The following DOCK2 variants were observed in gnomAD, a reference collection of about 807,000 sequenced individuals.
DOCK2 encodes the protein dedicator of cytokinesis protein 2.
Under a neutral mutation model 248.9 loss-of-function variants are expected in DOCK2, and 87 were observed. The ratio of observed to expected loss-of-function variants is 0.35; its 90% confidence interval spans 0.29 to 0.42. The LOEUF is 0.42. DOCK2 is among the 10% of genes least tolerant of loss of function. The pLI is 1.00. For synonymous variants in DOCK2, 805 were observed against 821.6 expected (o/e 0.98, Z 0.35); for missense variants, 1,747 against 2,300.2 (o/e 0.76, Z 4.92).
intron 25 of DOCK2, among the ~76,000 whole-genome samples, chr5:169,762,508 C>T (rs545558699): frequency 9.2e-4 from 140 of 152,240 alleles, no homozygotes; most frequent in African/African-American, 3.1e-3. Context: ...AACTGGATGT[C>T]GATAGCTCCA....
chr5:169,740,369 C>G (rs1440753930), intron 22 of DOCK2, among the ~76,000 whole-genome samples: 1 of 151,716 alleles, frequency 6.6e-6, no homozygotes. Flanking sequence ...TTTATGTGTT[C>G]ATTCTAGACA....
At chr5:170,008,458 GA>G (rs1375590765) in intron 30 of DOCK2, 38 bp from the exon 31 acceptor site, 1 of 1,609,598 alleles carries the variant, frequency 6.2e-7, no homozygotes, top group Non-Finnish European at 8.5e-7. Flanking sequence ...TCCCGCTTCA[GA>G]CCCTCTCCAT....
chr5:169,961,710 G>C (rs1467527292), intron 27 of DOCK2, among the ~76,000 whole-genome samples: 2 of 152,092 alleles, frequency 1.3e-5, no homozygotes, highest in African/African-American at 4.8e-5. Context: ...GGGTGCAGTG[G>C]CTCACGCCCG....
At chr5:170,045,723 A>G (rs2113848158) in intron 38 of DOCK2, 93 bp from the exon 39 acceptor site, 1 of 1,269,920 alleles carries the variant, frequency 7.9e-7, no homozygotes, top group East Asian at 2.3e-5. Flanking sequence ...CCTCAGTCCC[A>G]GGAAGCACAG....
chr5:170,057,406 A>G (rs1757168960), intron 43 of DOCK2, 174 bp from the exon 44 acceptor site: 2 of 671,678 alleles, frequency 3.0e-6, no homozygotes, highest in Admixed American at 2.1e-5. Context: ...TTGGGAAAGA[A>G]TTCTTAAGGG....
chr5:170,046,034 A>C, intron 39 of DOCK2, 129 bp downstream of exon 39: 1 of 789,790 alleles, frequency 1.3e-6, no homozygotes, highest in South Asian at 1.5e-5. Flanking sequence ...GAACGGAAGT[A>C]GGACCTGAGA....
At chr5:169,760,707 C>G (rs967320589) in intron 24 of DOCK2, among the ~76,000 whole-genome samples, 1 of 152,180 alleles carries the variant, frequency 6.6e-6, no homozygotes, top group Non-Finnish European at 1.5e-5. Context: ...CTGCATACAT[C>G]GCTGTGTATT....
intron 27 of DOCK2, among the ~76,000 whole-genome samples, chr5:169,958,814 C>A (rs1581472231): frequency 1.3e-5 from 2 of 152,074 alleles, no homozygotes; most frequent in Admixed American, 1.3e-4. Context: ...TGGTTCAGGG[C>A]AAAGGGGTCT....
intron 45 of DOCK2, 67 bp downstream of exon 45, chr5:170,067,753 G>T: frequency 2.6e-6 from 4 of 1,550,830 alleles, no homozygotes; most frequent in Middle Eastern, 1.8e-4. Context: ...AGGACCCAGG[G>T]GGCAGATGCA....
intron 39 of DOCK2, 113 bp from the exon 40 acceptor site, chr5:170,047,397 C>A: frequency 1.3e-6 from 1 of 792,690 alleles, no homozygotes; most frequent in Non-Finnish European, 2.1e-6. Context: ...TAAATATGTG[C>A]ACATGGCTCA....
intron 32 of DOCK2, among the ~76,000 whole-genome samples, chr5:170,015,486 G>C (rs1755488746): frequency 1.3e-5 from 2 of 152,182 alleles, no homozygotes; most frequent in South Asian, 4.1e-4. Context: ...CCAGGAGGGA[G>C]CTTTTCCAAG....
intron 27 of DOCK2, among the ~76,000 whole-genome samples, chr5:169,869,025 T>G (rs1289927210): frequency 1.3e-5 from 2 of 152,180 alleles, no homozygotes; most frequent in African/African-American, 4.8e-5. Flanking sequence ...TTACACTAGC[T>G]TCCTCGCTGG....
intron 2 of DOCK2, among the ~76,000 whole-genome samples, chr5:169,660,238 G>A (rs1260931323): frequency 3.3e-5 from 5 of 152,138 alleles, no homozygotes. Context: ...AAAGGCTGAC[G>A]TGAGAGAATT....
rs61431388 is a variant in DOCK2, at chr5:169,804,485, T to TGTGTGC, written c.2703+1280_2703+1281insTGTGCG. Among the ~76,000 whole-genome samples, 373 of 68,100 alleles carry TGTGTGC rather than the reference T, an allele frequency of 5.5e-3. 2 individuals carry two copies. Among genetic ancestry groups the TGTGTGC allele is most frequent in the East Asian group, 0.025 (40 of 1,574 alleles). 44.7% of individuals were successfully genotyped at this position (68,100 alleles called of 152,430 possible). ...GTGTGTGTGTGTGTGTGTGTGTGTG[T>TGTGTGC]GCGCGCGCGCGTGCGCGTAAGCATT... is the stretch of plus-strand genomic sequence containing the variant. On this transcript the variant is annotated intron_variant, in intron 26 of 51. Coordinates refer to ENST00000520908, the MANE Select transcript of DOCK2 (RefSeq NM_004946.3).
At chr5:169,982,943 A>G in intron 27 of DOCK2, 125 bp from the exon 28 acceptor site, 1 of 875,100 alleles carries the variant, frequency 1.1e-6, no homozygotes, top group Non-Finnish European at 1.8e-6. Flanking sequence ...TTACAGTCCC[A>G]GGCACATAAT....
intron 22 of DOCK2, among the ~76,000 whole-genome samples, chr5:169,734,904 C>T (rs1196701510): frequency 6.6e-6 from 1 of 152,176 alleles, no homozygotes; most frequent in African/African-American, 2.4e-5. Flanking sequence ...CTTGCAGACG[C>T]CTTTGGGGCA....
rs117908106 is a variant in DOCK2, at chr5:169,995,803, C to G, written c.2994-283C>G. Among the ~76,000 whole-genome samples the G allele has an allele frequency of 3.0e-4, 46 of 152,242 alleles. 2 individuals are homozygous for G. The East Asian group carries it at 8.9e-3, about 29-fold the overall frequency. On this transcript the variant is annotated intron_variant, in intron 29 of 51. Transcript: ENST00000520908. The stretch of plus-strand genomic sequence containing the variant: ...GGGGTGATTTCTCTTTAGATCTTTT[C>G]TGGATAGCATGAATTTTCTTCCATA...
chr5:169,744,816 T>C (rs1581129158), intron 22 of DOCK2, among the ~76,000 whole-genome samples: 1 of 152,258 alleles, frequency 6.6e-6, no homozygotes, highest in East Asian at 1.9e-4. Context: ...GAGGGTAGGA[T>C]TGGACAGGCC....
intron 27 of DOCK2, among the ~76,000 whole-genome samples, chr5:169,869,996 A>G (rs920158500): frequency 6.6e-6 from 1 of 152,202 alleles, no homozygotes; most frequent in Admixed American, 6.5e-5. Context: ...TAGTTAAGAA[A>G]TTGTTACAAT....
Sources: allele counts gnomAD v4.1 joint callset (sites outside exome capture counted in the v4.1 genomes callset), GRCh38; gene constraint gnomAD v4.1.1; transcripts MANE v1.5; gene names NCBI Gene and HGNC (gene_info 2026-07-23, HGNC 2026-07-21).